Variants in ZMYM6 observed in about 807,000 individuals in gnomAD.
ZMYM6 encodes the protein zinc finger MYM-type protein 6.
Under a neutral mutation model 134.0 loss-of-function variants are expected in ZMYM6, and 90 were observed. The observed-to-expected ratio is 0.67, with a 90% CI of 0.57 to 0.80. The LOEUF is 0.80. Among genes scored for constraint, ZMYM6 ranks in the 30% least tolerant of loss-of-function variants. The pLI is 0.00. For synonymous variants in ZMYM6, 481 were observed against 524.1 expected (o/e 0.92, Z 1.12); for missense variants, 1,362 against 1,533.9 (o/e 0.89, Z 1.87).
chr1:35,003,989 C>A lies in ZMYM6; in HGVS notation c.1971G>T (p.Glu657Asp), dbSNP rs1225690264. The A allele has an allele frequency of 1.2e-6, 2 of 1,611,930 alleles. No individual in the cohort carries two copies. Among genetic ancestry groups the A allele is most frequent in the Non-Finnish European group, 1.7e-6 (2 of 1,178,568 alleles). ...TCACATCTTGAATGATCTTTGCTGCCTCTTTAGTAACTGCACCTGTTGTAA... is the reference window on the plus strand; with the variant it reads ...TCACATCTTGAATGATCTTTGCTGCATCTTTAGTAACTGCACCTGTTGTAA... ...NSVLKGAVTK[E>D]AAKIIQDEST... The change falls in exon 14 of 16, where the codon GAG (glutamate) becomes GAT (aspartate). Residue 657 changes from glutamate to aspartate, a missense_variant. Physicochemically the swap from Glu to Asp is conservative, Grantham distance 45. Around this residue, in one of 3 missense-constraint regions of ZMYM6, gnomAD observed 824 missense variants for 940.9 expected, o/e 0.88. Coordinates refer to ENST00000357182, the MANE Select transcript of ZMYM6 (RefSeq NM_007167.4).
rs1640959058 is a variant in ZMYM6 at position 35,005,987 on chromosome 1, TGA to T, written c.1814-717_1814-716del. On this transcript the variant is annotated intron_variant, in intron 12 of 15. Transcript: ENST00000357182. ...GTCAATCAGGTAGCACTCCAGGCTT[TGA>T]ACAGAGAACATAATAGCAAGTGGCT... 7.2e-5 allele frequency among the ~76,000 whole-genome samples: 11 copies of T among 152,304 alleles called. No individual in the cohort carries two copies. The South Asian group carries it at 1.9e-3, about 26-fold the overall frequency.
intron 4 of ZMYM6, among the ~76,000 whole-genome samples, chr1:35,015,743 A>AAAAAAAAAAAAATATATATATAT: frequency 6.6e-5 from 7 of 106,460 alleles, no homozygotes; most frequent in African/African-American, 4.6e-4. Context: ...AAAAAAAAAA[A>AAAAAAAAAAAAATATATATATAT]ATATATATAT....
chr1:34,996,105 TAA>T (rs2148445249), intron 14 of ZMYM6, among the ~76,000 whole-genome samples: 1 of 152,308 alleles, frequency 6.6e-6, no homozygotes, highest in South Asian at 2.1e-4. Flanking sequence ...ATCTACAGAA[TAA>T]AGTCTTAGAA....
Position 35,019,348 on chromosome 1 carries a change from T to C in ZMYM6, c.428+5A>G, listed in dbSNP as rs1175324237. On this transcript the variant is annotated splice_donor_5th_base_variant and intron_variant, in intron 4 of 15. Transcript: ENST00000357182. ...AAGTAAAAAGGGATGTTAAGAATTT[T>C]ATACTTCGAGCAGTTTGTGCAGGTT... 1 of 1,614,238 alleles carries C rather than the reference T, an allele frequency of 6.2e-7. No homozygotes were observed. The highest frequency in any genetic ancestry group is 8.5e-7 in the Non-Finnish European group (1 of 1,180,040).
chr1:35,029,682 A>T (rs1223800895), intron 2 of ZMYM6, among the ~76,000 whole-genome samples: 1 of 152,110 alleles, frequency 6.6e-6, no homozygotes, highest in African/African-American at 2.4e-5. Context: ...GGGCTTTCCT[A>T]TTCACAGTTC....
intron 14 of ZMYM6, among the ~76,000 whole-genome samples, chr1:35,003,496 A>G (rs940703165): frequency 6.6e-6 from 1 of 152,266 alleles, no homozygotes; most frequent in African/African-American, 2.4e-5. Context: ...AAACAGGACT[A>G]CACTGAACTT....
At chr1:35,020,568 C>CTTTTT (rs942213398) in intron 2 of ZMYM6, 101 bp from the exon 3 acceptor site, 20 of 241,462 alleles carry the variant, frequency 8.3e-5, no homozygotes, top group South Asian at 1.0e-4. Flanking sequence ...TATTCATCTC[C>CTTTTT]TTTTTTTTTT....
intron 14 of ZMYM6, among the ~76,000 whole-genome samples, chr1:34,995,429 T>A (rs1640767997): frequency 6.6e-6 from 1 of 151,994 alleles, no homozygotes; most frequent in African/African-American, 2.4e-5. Context: ...TCTATACATA[T>A]ATACCTATGA....
chr1:35,022,510 C>G (rs1391370218), intron 2 of ZMYM6, among the ~76,000 whole-genome samples: 1 of 152,068 alleles, frequency 6.6e-6, no homozygotes, highest in African/African-American at 2.4e-5. Flanking sequence ...GTGACCCACC[C>G]ACCTCCACCT....
Position 34,987,512 on chromosome 1 carries a change from G to A in ZMYM6, c.3570C>T (p.His1190=). ...MTDITRIIFE[H]LEGLSQVFSD... Reference sequence around the variant, plus strand: ...TGAACACTTGAGAAAGTCCTTCCAGGTGCTCAAAAATAATCCTTGTGATGT... The same window carrying A: ...TGAACACTTGAGAAAGTCCTTCCAGATGCTCAAAAATAATCCTTGTGATGT... Residue 1190 remains histidine (H), a synonymous_variant, in exon 16 of 16, where the codon CAC becomes CAT. Transcript: ENST00000357182. 1 of 1,612,962 alleles carries A rather than the reference G, an allele frequency of 6.2e-7. No homozygotes were observed. Among genetic ancestry groups the A allele is most frequent in the Non-Finnish European group, 8.5e-7 (1 of 1,179,506 alleles).
intron 15 of ZMYM6, chr1:34,989,353 C>A: frequency 4.5e-5 from 22 of 487,950 alleles, no homozygotes; most frequent in Non-Finnish European, 5.0e-5. Flanking sequence ...GCCCGGGCAA[C>A]ATGGCGAAAC....
At chr1:34,996,539 C>T (rs1640787330) in intron 14 of ZMYM6, among the ~76,000 whole-genome samples, 1 of 152,108 alleles carries the variant, frequency 6.6e-6, no homozygotes, top group South Asian at 2.1e-4. Flanking sequence ...TAGTTGTCTT[C>T]CAGGGATAGT....
intron 1 of ZMYM6, 177 bp downstream of exon 1, chr1:35,031,638 T>C (rs543023289): frequency 1.3e-5 from 2 of 152,064 alleles, no homozygotes; most frequent in African/African-American, 2.4e-5. Context: ...AACGAGGCAA[T>C]GTGGTCTCCG....
chr1:35,013,082 G>A (rs925250152), intron 6 of ZMYM6: 1 of 893,984 alleles, frequency 1.1e-6, no homozygotes, highest in Non-Finnish European at 1.3e-6. Context: ...CTGCTTATAA[G>A]TTTATTCATG....
At chr1:34,996,435 T>G (rs2148445373) in intron 14 of ZMYM6, among the ~76,000 whole-genome samples, 1 of 152,358 alleles carries the variant, frequency 6.6e-6, no homozygotes, top group South Asian at 2.1e-4. Context: ...ATTCAAAGAT[T>G]CACGTAATAC....
Position 34,988,669 on chromosome 1 carries a change from C to A in ZMYM6, c.2413G>T (p.Glu805Ter), listed in dbSNP as rs1285163955. 1.3e-6 allele frequency: 2 copies of A among 1,545,362 alleles called. No individual in the cohort carries two copies. Among genetic ancestry groups the A allele is most frequent in the Non-Finnish European group, 1.7e-6 (2 of 1,145,364 alleles). Residue 805 changes from glutamate (E) to a stop codon, truncating the protein, a stop_gained, in exon 16 of 16, where the codon GAA becomes TAA. Transcript: ENST00000357182. LOFTEE classifies it high-confidence loss of function. ...ELENKPVDFFEQKSLEMECQN... is the reference protein window; with the variant it reads ...ELENKPVDFF ...CATTCCATTTCTAAAGATTTTTGTT[C>A]AAAAAAATCTACTGGTTTGTTTTCT... is the stretch of plus-strand genomic sequence containing the variant.
chr1:35,019,699 C>T (rs12058423), intron 3 of ZMYM6, 97 bp from the exon 4 acceptor site: 4 of 1,354,678 alleles, frequency 3.0e-6, no homozygotes, highest in African/African-American at 1.5e-5. Context: ...TTCTGAGACA[C>T]GGTCTCACTG....
chr1:35,023,912 G>A (rs1368903907), intron 2 of ZMYM6, among the ~76,000 whole-genome samples: 1 of 152,042 alleles, frequency 6.6e-6, no homozygotes, highest in African/African-American at 2.4e-5. Flanking sequence ...ATGAGCCACC[G>A]CGCCCGGCCA....
intron 2 of ZMYM6, among the ~76,000 whole-genome samples, chr1:35,020,817 C>T (rs1641296284): frequency 6.6e-6 from 1 of 151,998 alleles, no homozygotes; most frequent in South Asian, 2.1e-4. Context: ...GTGATCTACC[C>T]ACCTCAGCCT....
Sources: allele counts gnomAD v4.1 joint callset (sites outside exome capture counted in the v4.1 genomes callset), GRCh38; gene constraint gnomAD v4.1.1; regional missense constraint gnomAD v4.1.1; transcripts MANE v1.5; gene names NCBI Gene and HGNC (gene_info 2026-07-23, HGNC 2026-07-21).